Variants in NTN4 observed in about 807,000 individuals in gnomAD.
NTN4 encodes netrin 4, also known as netrin-4.
In NTN4, 32 loss-of-function variants were observed where a neutral mutation model predicts 73.6. The ratio of observed to expected loss-of-function variants is 0.44; its 90% CI spans 0.33 to 0.58. NTN4 has a LOEUF of 0.58. Ranked by LOEUF, NTN4 falls within the 20% of genes least tolerant of loss-of-function variation. The pLI is 0.04. For missense variants in NTN4, 654 were observed against 798.3 expected (o/e 0.82, Z 2.18); for synonymous variants, 258 against 287.5 (o/e 0.90, Z 1.04).
intron 3 of NTN4, among the ~76,000 whole-genome samples, chr12:95,726,841 A>G (rs6538666): frequency 0.81 from 123,521 of 151,996 alleles, 50,316 homozygotes; most frequent in South Asian, 0.87. Flanking sequence ...ATGGTGGTAG[A>G]TGCCTATAAT....
intron 3 of NTN4, among the ~76,000 whole-genome samples, chr12:95,716,149 T>G (rs1043032798): frequency 6.6e-6 from 1 of 151,346 alleles, no homozygotes; most frequent in Non-Finnish European, 1.5e-5. Context: ...TCTGATAGAA[T>G]TGGAGTCAGA....
chr12:95,742,785 C>A (rs2078836006), intron 2 of NTN4, among the ~76,000 whole-genome samples: 1 of 152,160 alleles, frequency 6.6e-6, no homozygotes, highest in Non-Finnish European at 1.5e-5. Flanking sequence ...AGCTGTGCTC[C>A]CCAGCATGTC....
chr12:95,766,358 GTCTTGAC>G (rs2079021398), intron 2 of NTN4, among the ~76,000 whole-genome samples: 1 of 152,160 alleles, frequency 6.6e-6, no homozygotes, highest in Non-Finnish European at 1.5e-5. Flanking sequence ...ATATTCAAAG[GTCTTGAC>G]CTAAGCCTCT....
intron 5 of NTN4, among the ~76,000 whole-genome samples, chr12:95,689,321 T>G (rs1458449509): frequency 1.3e-5 from 2 of 152,248 alleles, no homozygotes; most frequent in Non-Finnish European, 2.9e-5. Context: ...AGGTCCTTCA[T>G]AGCAGAGGCC....
At chr12:95,784,144 A>G (rs2079150843) in intron 2 of NTN4, among the ~76,000 whole-genome samples, 1 of 152,220 alleles carries the variant, frequency 6.6e-6, no homozygotes, top group South Asian at 2.1e-4. Context: ...AACTAGATTG[A>G]CTAGCTTCTT....
At position 95,789,521 on chromosome 12, in the gene NTN4, G is replaced by A. The variant is rs2079192662; in HGVS notation, c.55+734C>T. Among the ~76,000 whole-genome samples the A allele has an allele frequency of 6.6e-6, 1 of 152,130 alleles. No homozygotes were observed. The highest frequency in any genetic ancestry group is 2.1e-4 in the South Asian group (1 of 4,828). ...CACGAGCCAGGAGCCGGTGGCCTAGGGCAGCCCAAGAAAGCCAGGATGGGA... is the reference window on the plus strand; with the variant it reads ...CACGAGCCAGGAGCCGGTGGCCTAGAGCAGCCCAAGAAAGCCAGGATGGGA... On this transcript the variant is annotated intron_variant, in intron 1 of 9. Coordinates refer to ENST00000343702, the MANE Select transcript of NTN4 (RefSeq NM_021229.4). The surrounding 1 kb of genome is among the most constrained non-coding windows in gnomAD (Gnocchi z 4.0).
At chr12:95,713,040 G>A (rs1041082527) in intron 4 of NTN4, among the ~76,000 whole-genome samples, 172 bp downstream of exon 4, 1 of 152,114 alleles carries the variant, frequency 6.6e-6, no homozygotes, top group African/African-American at 2.4e-5. Context: ...GTAATGAACG[G>A]CAACTGTTTT....
At chr12:95,733,414 G>T (rs963352738) in intron 3 of NTN4, among the ~76,000 whole-genome samples, 1 of 152,208 alleles carries the variant, frequency 6.6e-6, no homozygotes, top group East Asian at 1.9e-4. Flanking sequence ...GCAAAGAAGT[G>T]TATGAAGGAG....
At chr12:95,714,864 A>T (rs2078593952) in intron 3 of NTN4, among the ~76,000 whole-genome samples, 1 of 152,222 alleles carries the variant, frequency 6.6e-6, no homozygotes, top group South Asian at 2.1e-4. Context: ...TGTGACAAAA[A>T]ATGAATTACT....
At chr12:95,704,898 A>C (rs544786306) in intron 5 of NTN4, among the ~76,000 whole-genome samples, 1 of 152,196 alleles carries the variant, frequency 6.6e-6, no homozygotes, top group Non-Finnish European at 1.5e-5. Flanking sequence ...GATCTTCCCT[A>C]TGAACCCATC....
intron 5 of NTN4, among the ~76,000 whole-genome samples, chr12:95,698,856 C>CAAA (rs34600316): frequency 4.7e-5 from 7 of 147,716 alleles, no homozygotes; most frequent in Admixed American, 3.4e-4. Context: ...GACTCTGCCT[C>CAAA]AAAAAAAAAA....
chr12:95,660,414 A>G (rs2078127951), intron 9 of NTN4, among the ~76,000 whole-genome samples: 1 of 152,130 alleles, frequency 6.6e-6, no homozygotes, highest in African/African-American at 2.4e-5. Flanking sequence ...TATAAAGCCT[A>G]TGTGTTTTTG....
intron 5 of NTN4, among the ~76,000 whole-genome samples, chr12:95,709,778 C>G (rs934819986): frequency 6.6e-6 from 1 of 152,170 alleles, no homozygotes; most frequent in African/African-American, 2.4e-5. Flanking sequence ...AACGATCCGC[C>G]TGCCTTGGCC....
chr12:95,702,077 C>G (rs926562803), intron 5 of NTN4, among the ~76,000 whole-genome samples: 5 of 151,894 alleles, frequency 3.3e-5, no homozygotes, highest in Non-Finnish European at 7.4e-5. Flanking sequence ...GTCAGGAGTT[C>G]GAGACCAGCC....
intron 8 of NTN4, among the ~76,000 whole-genome samples, chr12:95,667,625 T>C (rs912721799): frequency 1.4e-4 from 22 of 151,956 alleles, no homozygotes; most frequent in Middle Eastern, 3.4e-3. Flanking sequence ...GAGGCTGAGG[T>C]AGGCGGATCA....
At chr12:95,771,007 T>TTTTTTTTA (rs2079054573) in intron 2 of NTN4, among the ~76,000 whole-genome samples, 2 of 148,706 alleles carry the variant, frequency 1.3e-5, no homozygotes, top group African/African-American at 5.1e-5. Flanking sequence ...TTTTTTTTTT[T>TTTTTTTTA]GAGACAGAGT....
intron 3 of NTN4, among the ~76,000 whole-genome samples, chr12:95,720,806 G>A (rs1419761169): frequency 6.6e-6 from 1 of 152,172 alleles, no homozygotes; most frequent in African/African-American, 2.4e-5. Flanking sequence ...AGGAATGTGG[G>A]TCAGTTATGG....
chr12:95,713,741 G>A (rs1348496398), intron 3 of NTN4, among the ~76,000 whole-genome samples: 2 of 151,874 alleles, frequency 1.3e-5, no homozygotes, highest in African/African-American at 4.8e-5. Flanking sequence ...TATAACATTT[G>A]GAGCATATAA....
rs569090350 is a variant in NTN4 at position 95,751,406 on chromosome 12, C to T, written c.586-13262G>A. Among the ~76,000 whole-genome samples, 23 of 151,222 alleles carry T rather than the reference C, an allele frequency of 1.5e-4. No homozygotes were observed. In the East Asian group the frequency reaches 2.5e-3, roughly 17 times the overall value. The stretch of plus-strand genomic sequence containing the variant: ...GAACTTCCAAACGCCTGAACCGCAG[C>T]GGCCAGGCGTTCCTCCAGAACCTCC... On this transcript the variant is annotated intron_variant, in intron 2 of 9. Transcript: ENST00000343702.
Sources: gnomAD v4.1 joint callset for allele counts (sites outside exome capture counted in the v4.1 genomes callset) on GRCh38, gnomAD v4.1.1 for gene constraint, Gnocchi (gnomAD v3.1) non-coding constraint, MANE v1.5 for transcripts, NCBI Gene and HGNC (gene_info 2026-07-23, HGNC 2026-07-21) for gene names.